The following CC2D1A variants were observed in gnomAD, a reference collection of about 807,000 sequenced individuals.
The protein encoded by CC2D1A is coiled-coil and C2 domain-containing protein 1A.
CC2D1A carries 68 observed loss-of-function variants against 123.8 expected under a neutral mutation model. The observed-to-expected ratio is 0.55, with a 90% CI of 0.45 to 0.67. The LOEUF is 0.67. CC2D1A is among the 30% of genes least tolerant of loss of function. The pLI, the probability that CC2D1A is intolerant of heterozygous loss-of-function variation, is 0.00. For synonymous variants in CC2D1A, 477 were observed against 528.0 expected (o/e 0.90, Z 1.32); for missense variants, 1,185 against 1,290.3 (o/e 0.92, Z 1.25).
chr19:13,926,028 GTATA>G (rs200654898), intron 17 of CC2D1A, among the ~76,000 whole-genome samples: 5 of 74,192 alleles, frequency 6.7e-5, no homozygotes, highest in African/African-American at 3.5e-4. Context: ...ATATATATGT[GTATA>G]TATATATATA....
In CC2D1A at chr19:13,927,175, G is replaced by C. The variant is rs1221360064; in HGVS notation, c.2226G>C (p.Gly742=). 6.2e-7 allele frequency: 1 copy of C among 1,613,870 alleles called. No individual in the cohort carries two copies. The highest frequency in any genetic ancestry group is 2.2e-5 in the East Asian group (1 of 44,894). ...KGIKFEVVHK[G]GLFKTDRVLG... ...CCCCACTATACACACATGCACACAG[G>C]GGGCTGTTCAAGACTGACCGGGTGC... is the stretch of plus-strand genomic sequence containing the variant. Residue 742 remains glycine, a splice_region_variant and synonymous_variant, in exon 22 of 29, where the codon GGG becomes GGC. Coordinates refer to ENST00000318003, the MANE Select transcript of CC2D1A (RefSeq NM_017721.5).
rs755653965 is a variant in CC2D1A, at chr19:13,909,849, A to G, written c.87A>G (p.Pro29=). The G allele has an allele frequency of 6.3e-7, 1 of 1,582,936 alleles. No individual in the cohort carries two copies. Among genetic ancestry groups the G allele is most frequent in the South Asian group, 1.1e-5 (1 of 87,476 alleles). The change falls in exon 2 of 29, where the codon CCA becomes CCG. Residue 29 remains proline, a synonymous_variant. Transcript: ENST00000318003. ...TGGGCCTGCTGGTTGACCTCTCCCC[A>G]GATGGCCTGATGATCCCTGAGGACG... ...RQLGLLVDLS[P]DGLMIPEDGA... is the part of the protein sequence containing the mutation.
intron 6 of CC2D1A, 29 bp downstream of exon 6, chr19:13,913,667 T>A (rs767911663): frequency 3.3e-6 from 5 of 1,532,306 alleles, no homozygotes; most frequent in Non-Finnish European, 4.4e-6. Flanking sequence ...CGGGCTGATA[T>A]GGGATCCGAG....
At chr19:13,911,995 G>A (rs1040045082) in intron 2 of CC2D1A, among the ~76,000 whole-genome samples, 11 of 152,134 alleles carry the variant, frequency 7.2e-5, no homozygotes, top group Admixed American at 2.0e-4. Context: ...GGTTACAGGC[G>A]TGAGCCACTG....
At chr19:13,928,901 G>A (rs1971753321) in intron 24 of CC2D1A, among the ~76,000 whole-genome samples, 1 of 151,606 alleles carries the variant, frequency 6.6e-6, no homozygotes, top group Non-Finnish European at 1.5e-5. Flanking sequence ...TAGAGATGGG[G>A]TTTCTCCATG....
chr19:13,930,689 G>A lies in CC2D1A; in HGVS notation c.*294G>A. Reference sequence around the variant, plus strand: ...CGCCCCGGAGCAGGGAGGGTGGCTGGGGCCAAGCCCCGAGGGCCCCTGCAA... The same window carrying A: ...CGCCCCGGAGCAGGGAGGGTGGCTGAGGCCAAGCCCCGAGGGCCCCTGCAA... On this transcript the variant is annotated 3_prime_UTR_variant, in exon 29 of 29. Transcript: ENST00000318003. This position sits in a 1 kb window ranked among gnomAD's most constrained non-coding sequence, Gnocchi z 6.8. The A allele has an allele frequency of 6.1e-6, 3 of 493,016 alleles. No individual in the cohort carries two copies. Among genetic ancestry groups the A allele is most frequent in the Non-Finnish European group, 1.1e-5 (3 of 280,466 alleles). 30.5% of individuals were successfully genotyped at this position (493,016 alleles called of 1,614,324 possible). A position where few individuals can be genotyped will look rare whatever the true frequency, so the allele number is the denominator to read the frequency against.
At chr19:13,925,000 C>A in intron 17 of CC2D1A, among the ~76,000 whole-genome samples, 1 of 152,170 alleles carries the variant, frequency 6.6e-6, no homozygotes, top group Non-Finnish European at 1.5e-5. Flanking sequence ...TCAGCTATTT[C>A]TTCCGCCTTC....
chr19:13,918,339 C>CCT, intron 7 of CC2D1A, 145 bp downstream of exon 7: 1 of 1,180,882 alleles, frequency 8.5e-7, no homozygotes, highest in Non-Finnish European at 1.2e-6. Flanking sequence ...CAGTTTACCC[C>CCT]CTCTGTGAAA....
rs373073299 is a variant in CC2D1A, at chr19:13,918,211, G to A, written c.873+17G>A. 438 of 1,547,382 alleles carry A rather than the reference G, an allele frequency of 2.8e-4. No individual in the cohort carries two copies. The highest frequency in any genetic ancestry group is 3.6e-4 in the Non-Finnish European group (409 of 1,145,288). On this transcript the variant is annotated intron_variant, in intron 7 of 28. Transcript: ENST00000318003. ...GTGGCTAAGGTGCGTCCAGCCTGAC[G>A]GACAGGACTGGAGGGATGGGGCAGG...
At chr19:13,912,698 G>C in intron 4 of CC2D1A, 105 bp downstream of exon 4, 1 of 1,180,410 alleles carries the variant, frequency 8.5e-7, no homozygotes, top group South Asian at 1.3e-5. Context: ...TGTCACCCAG[G>C]CTGGAGTGCA....
chr19:13,928,122 A>G lies in CC2D1A; in HGVS notation c.2455-2A>G. On this transcript the variant is annotated splice_acceptor_variant, in intron 23 of 28. Coordinates refer to ENST00000318003, the MANE Select transcript of CC2D1A (RefSeq NM_017721.5). LOFTEE classifies it high-confidence loss of function. ...TCACAGGACTGGTTCTCTCCTCTGAAGCAGGTTGCTGGGCCCAAAGGGAAG... is the reference window on the plus strand; with the variant it reads ...TCACAGGACTGGTTCTCTCCTCTGAGGCAGGTTGCTGGGCCCAAAGGGAAG... The G allele has an allele frequency of 6.2e-7, 1 of 1,613,316 alleles. No homozygotes were observed. The highest frequency in any genetic ancestry group is 8.5e-7 in the Non-Finnish European group (1 of 1,179,882).
At chr19:13,926,082 A>G in intron 17 of CC2D1A, among the ~76,000 whole-genome samples, 1 of 145,556 alleles carries the variant, frequency 6.9e-6, no homozygotes, top group African/African-American at 2.6e-5. Context: ...ACACACACAC[A>G]CACACATATA....
intron 17 of CC2D1A, among the ~76,000 whole-genome samples, chr19:13,925,945 T>TAC (rs1971584958): frequency 7.6e-6 from 1 of 131,784 alleles, no homozygotes; most frequent in African/African-American, 3.1e-5. Flanking sequence ...TATATATATA[T>TAC]ATATATATAT....
In CC2D1A at chr19:13,927,133, T is replaced by G. The variant is rs376657894; in HGVS notation, c.2226-42T>G. ...GGGCTCCAGGGGAGGGGAGCTCCTC[T>G]GAACCAACCATCCTGTCCCCACTAT... On this transcript the variant is annotated intron_variant, in intron 21 of 28. Transcript: ENST00000318003. 1.8e-4 allele frequency: 289 copies of G among 1,611,718 alleles called. No homozygotes were observed. In the African/African-American group the frequency reaches 3.4e-3, roughly 19 times the overall value.
chr19:13,929,938 C>A, intron 26 of CC2D1A, 140 bp from the exon 27 acceptor site: 2 of 188,438 alleles, frequency 1.1e-5, no homozygotes, highest in Non-Finnish European at 1.8e-5. Flanking sequence ...GGGAGGGGCT[C>A]GGGGATGGGC....
Position 13,906,462 on chromosome 19 carries a change from C to T in CC2D1A, c.21C>T (p.Pro7=). 2.0e-6 allele frequency: 3 copies of T among 1,515,816 alleles called. No homozygotes were observed. Among genetic ancestry groups the T allele is most frequent in the South Asian group, 1.2e-5 (1 of 81,524 alleles). The allele number at this position is 1,515,816 out of a possible 1,614,324, so 93.9% of individuals were successfully genotyped here. A position where few individuals can be genotyped will look rare whatever the true frequency, so the allele number is the denominator to read the frequency against. ...TGAAGATGCACAAGAGGAAAGGACC[C>T]CCGGGACCCCCGGGCAGAGGCGCCG... MHKRKG[P]PGPPGRGAAA... is the part of the protein sequence containing the mutation. The change falls in exon 1 of 29, where the codon CCC becomes CCT. Residue 7 remains proline (P), a synonymous_variant. Transcript: ENST00000318003. The surrounding 1 kb of genome is among the most constrained non-coding windows in gnomAD (Gnocchi z 4.1).
At chr19:13,913,340 C>G in intron 5 of CC2D1A, 38 bp downstream of exon 5, 1 of 1,606,206 alleles carries the variant, frequency 6.2e-7, no homozygotes, top group Non-Finnish European at 8.5e-7. Context: ...GACCCCCCGC[C>G]AACCCCGATG....
chr19:13,912,152 G>A (rs1971021832), intron 2 of CC2D1A, among the ~76,000 whole-genome samples, 171 bp from the exon 3 acceptor site: 1 of 152,178 alleles, frequency 6.6e-6, no homozygotes, highest in Non-Finnish European at 1.5e-5. Flanking sequence ...TGCCCGGTCT[G>A]CAGAGCTGGG....
At chr19:13,929,932 G>C in intron 26 of CC2D1A, 146 bp from the exon 27 acceptor site, 1 of 588,586 alleles carries the variant, frequency 1.7e-6, no homozygotes, top group Admixed American at 3.1e-5. Flanking sequence ...TGGAGGGGGA[G>C]GGGCTCGGGG....
Sources: allele counts gnomAD v4.1 joint callset (sites outside exome capture counted in the v4.1 genomes callset), GRCh38; gene constraint gnomAD v4.1.1; non-coding constraint Gnocchi (gnomAD v3.1); transcripts MANE v1.5; gene names NCBI Gene and HGNC (gene_info 2026-07-23, HGNC 2026-07-21).